The following SGO2 variants were observed in gnomAD, a reference collection of about 807,000 sequenced individuals.
SGO2 encodes the protein shugoshin-like 2.
A neutral mutation model predicts 99.5 loss-of-function variants in SGO2; 68 were observed. The ratio of observed to expected loss-of-function variants is 0.68; its 90% confidence interval spans 0.56 to 0.84. The LOEUF is 0.84. SGO2 is among the 40% of genes least tolerant of loss of function. The probability of loss-of-function intolerance (pLI) is 0.00; values close to 1 mark genes in which losing one functional copy is unlikely to be tolerated. For synonymous variants in SGO2, 457 were observed against 487.1 expected, an observed-to-expected ratio of 0.94 and a Z score of 0.81; for missense variants, 1,350 against 1,436.7, an observed-to-expected ratio of 0.94 and a Z score of 0.97.
chr2:200,569,855 A>G lies in SGO2; in HGVS notation c.666A>G (p.Ser222=), dbSNP rs2033332470. 12 of 1,599,586 alleles carry G rather than the reference A, an allele frequency of 7.5e-6. No individual in the cohort carries two copies. The highest frequency in any genetic ancestry group is 1.0e-5 in the Non-Finnish European group (12 of 1,167,294). The part of the protein sequence containing the change: ...NNQNVYGLDD[S]EHISSIVDVP... The stretch of plus-strand genomic sequence containing the variant: ...AAAATGTATATGGTTTAGATGATTC[A>G]GAACATATTTCTTCTATAGTTGATG... The change falls in exon 6 of 9, where the codon TCA becomes TCG. Residue 222 remains serine (S), a synonymous_variant. Transcript: ENST00000357799.
chr2:200,540,721 T>C (rs2031924312), intron 4 of SGO2, among the ~76,000 whole-genome samples: 1 of 152,248 alleles, frequency 6.6e-6, no homozygotes, highest in Admixed American at 6.5e-5. Flanking sequence ...TGTATTATGA[T>C]GTTTTTACAT....
At chr2:200,529,170 C>G (rs1457920774) in intron 1 of SGO2, among the ~76,000 whole-genome samples, 1 of 152,196 alleles carries the variant, frequency 6.6e-6, no homozygotes, top group African/African-American at 2.4e-5. Flanking sequence ...CAGGTCATAG[C>G]ATTCCAGCAT....
At chr2:200,561,907 G>C (rs539690590) in intron 5 of SGO2, among the ~76,000 whole-genome samples, 2 of 152,236 alleles carry the variant, frequency 1.3e-5, no homozygotes, top group South Asian at 2.1e-4. Flanking sequence ...GGGGTTGTTT[G>C]ATTTTTTCTT....
chr2:200,551,395 C>CA (rs2032478476), intron 5 of SGO2, among the ~76,000 whole-genome samples: 1 of 152,024 alleles, frequency 6.6e-6, no homozygotes, highest in South Asian at 2.1e-4. Flanking sequence ...TATTCTCACT[C>CA]ATATGTGGGA....
chr2:200,572,856 A>T lies in SGO2; in HGVS notation c.2510A>T (p.Glu837Val). The T allele has an allele frequency of 6.3e-7, 1 of 1,597,314 alleles. No individual in the cohort carries two copies. Among genetic ancestry groups the T allele is most frequent in the Non-Finnish European group, 8.5e-7 (1 of 1,175,336 alleles). Residue 837 changes from glutamate to valine, a missense_variant, in exon 7 of 9, where the codon GAA becomes GTA. Coordinates refer to ENST00000357799, the MANE Select transcript of SGO2 (RefSeq NM_152524.6). ...GATAACAAAGGTGTACATGACCTAGAAAAAGATAACTTCTTCTCTCTAACC... is the reference window on the plus strand; with the variant it reads ...GATAACAAAGGTGTACATGACCTAGTAAAAGATAACTTCTTCTCTCTAACC... ...ENDNKGVHDL[E>V]KDNFFSLTPK... is the part of the protein sequence containing the mutation.
intron 2 of SGO2, among the ~76,000 whole-genome samples, chr2:200,533,850 A>T (rs577981081): frequency 1.3e-5 from 2 of 152,212 alleles, no homozygotes; most frequent in South Asian, 4.1e-4. Context: ...TGCAGCTCCC[A>T]CCTAGGTCTC....
intron 1 of SGO2, among the ~76,000 whole-genome samples, chr2:200,528,892 A>G (rs2031231465): frequency 1.3e-5 from 2 of 152,230 alleles, no homozygotes; most frequent in African/African-American, 4.8e-5. Context: ...CTATTTTGCA[A>G]CCAAGTGAAG....
chr2:200,531,808 C>T (rs986539056), intron 1 of SGO2: 2 of 152,554 alleles, frequency 1.3e-5, no homozygotes, highest in African/African-American at 4.8e-5. Context: ...TCTGGAGGCT[C>T]TTCAGGAGAA....
intron 5 of SGO2, among the ~76,000 whole-genome samples, chr2:200,560,604 T>TA (rs907230144): frequency 9.2e-5 from 14 of 151,566 alleles, no homozygotes; most frequent in Admixed American, 2.6e-4. Context: ...TTTGCGTTCC[T>TA]AAAAAAAAAT....
intron 8 of SGO2, among the ~76,000 whole-genome samples, chr2:200,581,938 T>C (rs2106355992): frequency 6.6e-6 from 1 of 152,294 alleles, no homozygotes. Flanking sequence ...ACACTGGCTC[T>C]GAAGAGGAGT....
rs147988958 is a variant in SGO2, at chr2:200,535,228, T to C, written c.309+57T>C. On this transcript the variant is annotated intron_variant, in intron 3 of 8. Coordinates refer to ENST00000357799, the MANE Select transcript of SGO2 (RefSeq NM_152524.6). ...TTATAACTTAAATCTTTTAGCTGCA[T>C]TATTATAGAAGCTTTAAAAATATTT... 974 of 1,343,790 alleles carry C rather than the reference T, an allele frequency of 7.2e-4. 7 individuals carry two copies. The Middle Eastern group carries it at 7.8e-3, about 11-fold the overall frequency. The allele number at this position is 1,343,790 out of a possible 1,614,324, so 83.2% of individuals were successfully genotyped here.
Position 200,584,054 on chromosome 2 carries a change from A to C in SGO2, c.*590A>C, listed in dbSNP as rs903244086. Among the ~76,000 whole-genome samples, 2 of 152,166 alleles carry C rather than the reference A, an allele frequency of 1.3e-5. No individual in the cohort carries two copies. Among genetic ancestry groups the C allele is most frequent in the African/African-American group, 2.4e-5 (1 of 41,436 alleles). Reference sequence around the variant, plus strand: ...TATAATTTGGTTTTAAAGATCACTTACTCTTCCAGTAATAAGTAGTAATAA... The same window carrying C: ...TATAATTTGGTTTTAAAGATCACTTCCTCTTCCAGTAATAAGTAGTAATAA... On this transcript the variant is annotated 3_prime_UTR_variant, in exon 9 of 9. Transcript: ENST00000357799.
At chr2:200,527,881 T>G (rs2031179042) in intron 1 of SGO2, among the ~76,000 whole-genome samples, 1 of 152,162 alleles carries the variant, frequency 6.6e-6, no homozygotes, top group Admixed American at 6.5e-5. Flanking sequence ...AAGGGGAGAA[T>G]GGGGGTAAGT....
At chr2:200,539,544 T>C (rs762143102) in intron 4 of SGO2, among the ~76,000 whole-genome samples, 35 of 152,168 alleles carry the variant, frequency 2.3e-4, no homozygotes, top group Non-Finnish European at 4.0e-4. Flanking sequence ...TTTTTGTGGT[T>C]CATTGTTACT....
intron 5 of SGO2, among the ~76,000 whole-genome samples, chr2:200,561,180 G>T (rs1432827136): frequency 6.6e-6 from 1 of 152,212 alleles, no homozygotes; most frequent in South Asian, 2.1e-4. Flanking sequence ...GTTTCCTAAC[G>T]CTATCCCTCC....
chr2:200,568,580 C>T (rs1485693142), intron 5 of SGO2, among the ~76,000 whole-genome samples: 1 of 152,118 alleles, frequency 6.6e-6, no homozygotes, highest in Non-Finnish European at 1.5e-5. Flanking sequence ...AAATTTGGGG[C>T]TCTCCTCTTT....
chr2:200,549,095 A>C (rs2032358455), intron 5 of SGO2, among the ~76,000 whole-genome samples: 1 of 152,120 alleles, frequency 6.6e-6, no homozygotes, highest in Non-Finnish European at 1.5e-5. Context: ...AGTCCCTACA[A>C]AATAAAAAAT....
Position 200,571,841 on chromosome 2 carries a change from G to T in SGO2, c.1495G>T (p.Glu499Ter). Residue 499 changes from glutamate to a stop codon, truncating the protein, a stop_gained, in exon 7 of 9, where the codon GAG becomes TAG. Coordinates refer to ENST00000357799, the MANE Select transcript of SGO2 (RefSeq NM_152524.6). LOFTEE classifies it high-confidence loss of function. ...TAAAAAGGAGAAAAGAATAACAAAT[G>T]AGCAAGAGGAAACATACTCTTTATC... ...CNKKEKRITN[E>*]QEETYSLSQS... is the part of the protein sequence containing the mutation. 6.2e-7 allele frequency: 1 copy of T among 1,613,256 alleles called. No homozygotes were observed. The highest frequency in any genetic ancestry group is 8.5e-7 in the Non-Finnish European group (1 of 1,179,564).
At chr2:200,529,348 C>T (rs759686144) in intron 1 of SGO2, among the ~76,000 whole-genome samples, 19 of 152,118 alleles carry the variant, frequency 1.2e-4, no homozygotes, top group Non-Finnish European at 2.2e-4. Flanking sequence ...ATTTGTAAGG[C>T]GCTATTCCAT....
Sources: gnomAD v4.1 joint callset for allele counts (sites outside exome capture counted in the v4.1 genomes callset) on GRCh38, gnomAD v4.1.1 for gene constraint, MANE v1.5 for transcripts, NCBI Gene and HGNC (gene_info 2026-07-23, HGNC 2026-07-21) for gene names.